RIMS2: variants seen among roughly 807,000 people sequenced by gnomAD.
RIMS2 encodes the protein regulating synaptic membrane exocytosis protein 2.
RIMS2 carries 59 observed loss-of-function variants against 174.4 expected under a neutral mutation model. That is an observed-to-expected ratio of 0.34 (90% CI 0.27 to 0.42). The LOEUF is 0.42. RIMS2 is among the 10% of genes least tolerant of loss of function. The probability of loss-of-function intolerance (pLI) is 1.00; values close to 1 mark genes in which losing one functional copy is unlikely to be tolerated. For missense variants in RIMS2, 1,620 were observed against 1,666.3 expected, an observed-to-expected ratio of 0.97 and a Z score of 0.48; for synonymous variants, 606 against 572.5, an observed-to-expected ratio of 1.06 and a Z score of -0.84.
intron 19 of RIMS2, among the ~76,000 whole-genome samples, chr8:104,071,614 T>C (rs35309447): frequency 0.38 from 58,258 of 152,044 alleles, 12,290 homozygotes; most frequent in Non-Finnish European, 0.48. Context: ...TTTTATATTA[T>C]TTTAGTAGAG....
At chr8:103,835,962 A>C (rs915805502) in intron 3 of RIMS2, among the ~76,000 whole-genome samples, 2 of 152,244 alleles carry the variant, frequency 1.3e-5, no homozygotes, top group African/African-American at 4.8e-5. Flanking sequence ...CAGAAAATGC[A>C]AGATTGGTAT....
chr8:103,821,897 T>C (rs560827465), intron 3 of RIMS2, among the ~76,000 whole-genome samples: 2 of 151,744 alleles, frequency 1.3e-5, no homozygotes, highest in South Asian at 2.1e-4. Context: ...AGATTTTTTT[T>C]CTGAATAATG....
intron 17 of RIMS2, among the ~76,000 whole-genome samples, chr8:104,004,599 G>A (rs1243177819): frequency 6.6e-6 from 1 of 152,144 alleles, no homozygotes; most frequent in Non-Finnish European, 1.5e-5. Context: ...AGAAAAATTA[G>A]ATAGCATATG....
intron 2 of RIMS2, among the ~76,000 whole-genome samples, chr8:103,722,186 A>G (rs2097457766): frequency 6.6e-6 from 1 of 152,070 alleles, no homozygotes; most frequent in African/African-American, 2.4e-5. Context: ...CCTGGCCAAC[A>G]TGGTGAAACC....
intron 19 of RIMS2, among the ~76,000 whole-genome samples, chr8:104,028,128 TAAAAAAAAAA>T (rs1286666282): frequency 4.3e-5 from 6 of 141,154 alleles, no homozygotes; most frequent in African/African-American, 8.0e-5. Flanking sequence ...ATAGAATCTC[TAAAAAAAAAA>T]AGATCTAAAG....
chr8:104,029,205 G>C (rs1212315440), intron 19 of RIMS2, among the ~76,000 whole-genome samples: 3 of 152,142 alleles, frequency 2.0e-5, no homozygotes, highest in Admixed American at 1.3e-4. Flanking sequence ...TGCCATCTTG[G>C]TTTTGGTGGG....
At position 103,834,738 on chromosome 8, in the gene RIMS2, TTCTTTC is replaced by T. The variant is rs1309106091; in HGVS notation, c.699-50556_699-50551del. ...TTTCTTTCTTTCTTTCTTTCTTTCT[TTCTTTC>T]TCTCTCTTTCTTTTTCTCTCTCTCT... On this transcript the variant is annotated intron_variant, in intron 3 of 23. Coordinates refer to ENST00000504942, the Ensembl canonical transcript of RIMS2. Among the ~76,000 whole-genome samples the T allele has an allele frequency of 1.7e-3, 224 of 129,476 alleles. 6 individuals carry two copies. The highest frequency in any genetic ancestry group is 6.5e-3 in the African/African-American group (204 of 31,254). 84.9% of individuals were successfully genotyped at this position (129,476 alleles called of 152,430 possible).
At chr8:103,862,635 A>G (rs570696098) in intron 3 of RIMS2, among the ~76,000 whole-genome samples, 188 of 152,142 alleles carry the variant, frequency 1.2e-3, no homozygotes, top group Middle Eastern at 6.8e-3. Context: ...GATGTCATCT[A>G]TGATATCTTT....
chr8:103,810,409 C>T (rs1235214956), intron 3 of RIMS2, among the ~76,000 whole-genome samples: 4 of 152,136 alleles, frequency 2.6e-5, no homozygotes, highest in Non-Finnish European at 4.4e-5. Context: ...TGGCAAGCAG[C>T]TAGTCAGTAC....
Position 103,775,064 on chromosome 8 carries a change from T to C in RIMS2, c.698+8527T>C, listed in dbSNP as rs542027510. Among the ~76,000 whole-genome samples the C allele has an allele frequency of 1.4e-3, 219 of 152,234 alleles. 2 individuals carry two copies. The South Asian group carries it at 0.016, about 11-fold the overall frequency. Reference sequence around the variant, plus strand: ...TGTTTCAATAATGGATTTTTTTCAGTAAATTCAGAGATGCTTATATTTATA... The same window carrying C: ...TGTTTCAATAATGGATTTTTTTCAGCAAATTCAGAGATGCTTATATTTATA... On this transcript the variant is annotated intron_variant, in intron 3 of 23. Coordinates refer to ENST00000504942, the Ensembl canonical transcript of RIMS2.
At chr8:103,614,036 C>T (rs148044348) in intron 1 of RIMS2, among the ~76,000 whole-genome samples, 50 of 152,338 alleles carry the variant, frequency 3.3e-4, no homozygotes, top group African/African-American at 1.1e-3. Flanking sequence ...TTAACCACCC[C>T]GGCTGGTGTC....
chr8:103,750,734 G>A (rs1169752640), intron 2 of RIMS2, among the ~76,000 whole-genome samples: 1 of 152,068 alleles, frequency 6.6e-6, no homozygotes, highest in East Asian at 1.9e-4. Flanking sequence ...TTCCCCTGCT[G>A]GCACTCATTC....
intron 14 of RIMS2, among the ~76,000 whole-genome samples, chr8:103,951,362 G>A (rs907477929): frequency 6.6e-6 from 1 of 152,206 alleles, no homozygotes; most frequent in Non-Finnish European, 1.5e-5. Context: ...AGCTCCCAGC[G>A]AGATCGACGC....
intron 19 of RIMS2, among the ~76,000 whole-genome samples, chr8:104,151,602 G>T (rs1372537050): frequency 6.6e-6 from 1 of 151,758 alleles, no homozygotes; most frequent in African/African-American, 2.4e-5. Context: ...AAAAAGAGAT[G>T]TTGGGGAAAG....
intron 1 of RIMS2, among the ~76,000 whole-genome samples, chr8:103,539,066 G>A (rs1159176802): frequency 1.3e-5 from 2 of 152,104 alleles, no homozygotes; most frequent in East Asian, 3.8e-4. Flanking sequence ...AGGAGTAATG[G>A]CATGTGCCTT....
chr8:104,152,300 T>C (rs2098694638), intron 19 of RIMS2, among the ~76,000 whole-genome samples: 1 of 152,166 alleles, frequency 6.6e-6, no homozygotes, highest in Non-Finnish European at 1.5e-5. Context: ...AATGGGTACA[T>C]TTTTAATTGT....
At chr8:103,504,850 T>C (rs12677266) in intron 1 of RIMS2, among the ~76,000 whole-genome samples, 107 of 126,826 alleles carry the variant, frequency 8.4e-4, no homozygotes, top group South Asian at 2.8e-3. Context: ...TTCTTTCTTT[T>C]TTTTTTTTTT....
intron 3 of RIMS2, among the ~76,000 whole-genome samples, chr8:103,883,433 A>G (rs1017567693): frequency 2.6e-5 from 4 of 151,786 alleles, no homozygotes; most frequent in Admixed American, 6.6e-5. Context: ...GCACACACAC[A>G]TATACACAGA....
At chr8:103,910,699 CA>C (rs1408061764) in intron 5 of RIMS2, among the ~76,000 whole-genome samples, 170 bp downstream of exon 8, 1 of 151,450 alleles carries the variant, frequency 6.6e-6, no homozygotes, top group African/African-American at 2.4e-5. Flanking sequence ...AACAACAAAC[CA>C]AAAAAAACCT....
Sources: allele counts gnomAD v4.1 joint callset (sites outside exome capture counted in the v4.1 genomes callset), GRCh38; gene constraint gnomAD v4.1.1; transcripts MANE v1.5; gene names NCBI Gene and HGNC (gene_info 2026-07-23, HGNC 2026-07-21).